SHISA9: variants seen among roughly 807,000 people sequenced by gnomAD.
The protein encoded by SHISA9 is shisa family member 9, also known as protein shisa-9.
Under a neutral mutation model 38.0 loss-of-function variants are expected in SHISA9, and 13 were observed. The observed-to-expected ratio is 0.34, with a 90% CI of 0.22 to 0.54. The LOEUF (loss-of-function observed/expected upper bound fraction) is 0.54, where lower values mean the gene tolerates loss of function less well. SHISA9 is among the 20% of genes least tolerant of loss of function. The pLI, the probability that SHISA9 is intolerant of heterozygous loss-of-function variation, is 0.91. For missense variants in SHISA9, 538 were observed against 575.8 expected (o/e 0.93, Z 0.67); for synonymous variants, 275 against 242.0 (o/e 1.14, Z -1.27).
intron 1 of SHISA9, chr16:12,910,919 GCTCA>G (rs2071174820): frequency 1.0e-5 from 2 of 199,514 alleles, no homozygotes; most frequent in Admixed American, 6.5e-5. Context: ...ATTGGTTGAG[GCTCA>G]CTCACATTAG....
intron 2 of SHISA9, among the ~76,000 whole-genome samples, chr16:13,138,026 A>T (rs572959751): frequency 6.6e-6 from 1 of 152,288 alleles, no homozygotes; most frequent in South Asian, 2.1e-4. Context: ...TCTGGGCTTT[A>T]GCTCCAGAGA....
intron 2 of SHISA9, among the ~76,000 whole-genome samples, chr16:13,068,970 T>G (rs1001098280): frequency 4.6e-5 from 7 of 151,964 alleles, no homozygotes; most frequent in Admixed American, 1.3e-4. Context: ...TATGCATGTA[T>G]GTATATATGT....
chr16:13,417,233 G>C, the SHISA9 span, among the ~76,000 whole-genome samples: 4 of 152,200 alleles, frequency 2.6e-5, no homozygotes, highest in African/African-American at 9.6e-5. Flanking sequence ...AGGGTGGTTG[G>C]CACCCGCAAA....
At chr16:12,927,578 T>TA (rs1567342029) in intron 2 of SHISA9, among the ~76,000 whole-genome samples, 3 of 151,970 alleles carry the variant, frequency 2.0e-5, no homozygotes, top group African/African-American at 7.2e-5. Context: ...TTTTTGATTT[T>TA]TTTTTTTTTT....
chr16:13,373,726 A>G, the SHISA9 span, among the ~76,000 whole-genome samples: 2 of 146,904 alleles, frequency 1.4e-5, no homozygotes, highest in Non-Finnish European at 3.0e-5. Context: ...GCACCACTGC[A>G]CTCCAGCCTG....
intron 2 of SHISA9, among the ~76,000 whole-genome samples, chr16:13,013,511 C>T (rs144824115): frequency 3.1e-4 from 47 of 152,252 alleles, no homozygotes; most frequent in African/African-American, 6.7e-4. Context: ...CTAGGGATCA[C>T]GGTCAGTTTG....
chr16:13,431,146 C>A, the SHISA9 span, among the ~76,000 whole-genome samples: 1 of 152,112 alleles, frequency 6.6e-6, no homozygotes, highest in African/African-American at 2.4e-5. Context: ...CTGCATGGTC[C>A]ACCCTAAATT....
At chr16:13,185,102 T>G (rs1028702694) in intron 2 of SHISA9, among the ~76,000 whole-genome samples, 3 of 152,230 alleles carry the variant, frequency 2.0e-5, no homozygotes, top group East Asian at 3.8e-4. Context: ...GTCAGATTTG[T>G]GTTTTGGTTT....
At chr16:13,327,694 T>C in the SHISA9 span, among the ~76,000 whole-genome samples, 1 of 152,052 alleles carries the variant, frequency 6.6e-6, no homozygotes. Flanking sequence ...TCTTGCTTTG[T>C]TGCCCTGGCA....
the SHISA9 span, among the ~76,000 whole-genome samples, chr16:13,421,744 T>C: frequency 6.6e-6 from 1 of 152,328 alleles, no homozygotes; most frequent in African/African-American, 2.4e-5. Flanking sequence ...ACAGTAAGTA[T>C]CAACAAATAT....
the SHISA9 span, among the ~76,000 whole-genome samples, chr16:13,442,739 A>G: frequency 6.6e-6 from 1 of 152,170 alleles, no homozygotes; most frequent in Non-Finnish European, 1.5e-5. Context: ...GGATCACTTG[A>G]GCCCCAGAGT....
intron 4 of SHISA9, among the ~76,000 whole-genome samples, chr16:13,225,785 C>A (rs146467274): frequency 2.0e-5 from 3 of 152,142 alleles, no homozygotes; most frequent in Non-Finnish European, 4.4e-5. Flanking sequence ...CATCCCGCCC[C>A]GCACCTGTAC....
chr16:12,976,794 G>A (rs2072168381), intron 2 of SHISA9, among the ~76,000 whole-genome samples: 1 of 152,086 alleles, frequency 6.6e-6, no homozygotes, highest in Non-Finnish European at 1.5e-5. Context: ...TTCACCTGTG[G>A]CTTTGCCTGG....
rs2051007447 is a variant in SHISA9, at chr16:13,201,666, A to C, written c.692-1728A>C. On this transcript the variant is annotated intron_variant, in intron 2 of 4. Transcript: ENST00000558583. Reference sequence around the variant, plus strand: ...CCGACTCCTACTCTAAACTTGTCCCAGTCCATGTGAACTCTGAAGTATCAT... The same window carrying C: ...CCGACTCCTACTCTAAACTTGTCCCCGTCCATGTGAACTCTGAAGTATCAT... 1.5e-5 allele frequency among the ~76,000 whole-genome samples: 2 copies of C among 131,576 alleles called. 1 individual carries two copies. Among genetic ancestry groups the C allele is most frequent in the South Asian group, 4.7e-4 (2 of 4,264 alleles). The allele number at this position is 131,576 out of a possible 152,430, so 86.3% of individuals were successfully genotyped here.
At chr16:13,084,457 G>A (rs1463111025) in intron 2 of SHISA9, among the ~76,000 whole-genome samples, 1 of 152,180 alleles carries the variant, frequency 6.6e-6, no homozygotes, top group Non-Finnish European at 1.5e-5. Context: ...AGTGAGCTCA[G>A]GTGCCTTAGA....
intron 4 of SHISA9, among the ~76,000 whole-genome samples, chr16:13,233,155 G>T (rs2051348445): frequency 1.3e-5 from 2 of 152,154 alleles, no homozygotes; most frequent in Admixed American, 1.3e-4. Flanking sequence ...AAACCCATCT[G>T]ATGAGAATTT....
intron 2 of SHISA9, among the ~76,000 whole-genome samples, chr16:12,983,707 C>G (rs2072270701): frequency 1.3e-5 from 2 of 152,178 alleles, no homozygotes; most frequent in African/African-American, 2.4e-5. Flanking sequence ...CCAGGATGGT[C>G]TCGATCTCCT....
intron 2 of SHISA9, among the ~76,000 whole-genome samples, chr16:13,011,220 T>A (rs1265338644): frequency 6.6e-6 from 1 of 152,158 alleles, no homozygotes; most frequent in Non-Finnish European, 1.5e-5. Context: ...ATTGTGTATA[T>A]TTAAGGTATA....
At chr16:13,143,944 T>C (rs2050424704) in intron 2 of SHISA9, among the ~76,000 whole-genome samples, 1 of 152,196 alleles carries the variant, frequency 6.6e-6, no homozygotes, top group Non-Finnish European at 1.5e-5. Context: ...AGAAATCTGA[T>C]TGCTGCACAT....
Sources: allele counts gnomAD v4.1 joint callset (sites outside exome capture counted in the v4.1 genomes callset), GRCh38; gene constraint gnomAD v4.1.1; transcripts MANE v1.5; gene names NCBI Gene and HGNC (gene_info 2026-07-23, HGNC 2026-07-21).